PTPRN2: variants seen among roughly 807,000 people sequenced by gnomAD.
PTPRN2 encodes the protein protein tyrosine phosphatase receptor type N2.
Under a neutral mutation model 118.8 loss-of-function variants are expected in PTPRN2, and 74 were observed. The observed-to-expected ratio is 0.62, with a 90% CI of 0.52 to 0.76. The LOEUF (loss-of-function observed/expected upper bound fraction) is 0.76, where lower values mean the gene tolerates loss of function less well. Ranked by LOEUF, PTPRN2 falls within the 30% of genes least tolerant of loss-of-function variation. PTPRN2 has a pLI of 0.00. For synonymous variants in PTPRN2, 641 were observed against 608.0 expected, an observed-to-expected ratio of 1.05 and a Z score of -0.80; for missense variants, 1,481 against 1,394.4, an observed-to-expected ratio of 1.06 and a Z score of -0.99.
At chr7:157,803,170 A>G (rs1335356386) in intron 12 of PTPRN2, among the ~76,000 whole-genome samples, 2 of 152,082 alleles carry the variant, frequency 1.3e-5, no homozygotes, top group Non-Finnish European at 2.9e-5. Context: ...TTGCCATGTT[A>G]GCCAGGCTGG....
In PTPRN2 at chr7:158,164,754, G is replaced by A. The variant is rs372899560; in HGVS notation, c.910+2177C>T. On this transcript the variant is annotated intron_variant, in intron 6 of 22. Transcript: ENST00000389418. Reference sequence around the variant, plus strand: ...GAGAGAGAAAAGGGAGGTTAGAGAAGGAAGAGGACGACCCAAAGTGACCCC... The same window carrying A: ...GAGAGAGAAAAGGGAGGTTAGAGAAAGAAGAGGACGACCCAAAGTGACCCC... 9.1e-4 allele frequency among the ~76,000 whole-genome samples: 138 copies of A among 152,290 alleles called. No homozygotes were observed. The South Asian group carries it at 0.01, about 11-fold the overall frequency.
chr7:158,312,513 C>A (rs908415837), intron 3 of PTPRN2, among the ~76,000 whole-genome samples: 1 of 140,486 alleles, frequency 7.1e-6, no homozygotes, highest in Non-Finnish European at 1.6e-5. Flanking sequence ...GACACCCACA[C>A]ACACGCACAG....
chr7:158,200,076 T>C (rs1041730361), intron 4 of PTPRN2, among the ~76,000 whole-genome samples: 1 of 151,276 alleles, frequency 6.6e-6, no homozygotes, highest in African/African-American at 2.5e-5. Context: ...ACAATCCACA[T>C]ATGAGAAGAA....
chr7:158,067,012 T>A (rs1810827049), intron 11 of PTPRN2, among the ~76,000 whole-genome samples: 1 of 152,180 alleles, frequency 6.6e-6, no homozygotes. Context: ...AGGTTAGAGC[T>A]GGGGAGAAAA....
intron 2 of PTPRN2, among the ~76,000 whole-genome samples, chr7:158,447,206 C>T (rs547426113): frequency 6.6e-6 from 1 of 152,268 alleles, no homozygotes; most frequent in Admixed American, 6.5e-5. Flanking sequence ...GCAGCCTCTC[C>T]TAGCTCCCCA....
At chr7:157,822,877 C>T (rs1416916502) in intron 12 of PTPRN2, among the ~76,000 whole-genome samples, 1 of 151,886 alleles carries the variant, frequency 6.6e-6, no homozygotes, top group Non-Finnish European at 1.5e-5. Flanking sequence ...TCCATCCTTC[C>T]TCTCATCCAT....
intron 12 of PTPRN2, among the ~76,000 whole-genome samples, chr7:157,735,325 A>G (rs55794659): frequency 0.42 from 64,186 of 152,170 alleles, 14,800 homozygotes; most frequent in Non-Finnish European, 0.52. Context: ...CCCACTGACT[A>G]TGCCTGTGGA....
rs1801724521 is a variant in PTPRN2 at position 157,964,005 on chromosome 7, G to A, written c.1724-65268C>T. 6.6e-6 allele frequency among the ~76,000 whole-genome samples: 1 copy of A among 152,162 alleles called. No homozygotes were observed. Among genetic ancestry groups the A allele is most frequent in the South Asian group, 2.1e-4 (1 of 4,824 alleles). On this transcript the variant is annotated intron_variant, in intron 11 of 22. Coordinates refer to ENST00000389418, the MANE Select transcript of PTPRN2 (RefSeq NM_002847.5). This position sits in a 1 kb window ranked among gnomAD's most constrained non-coding sequence, Gnocchi z 9.0. ...CCCAGTCATTAAGTCCTAATTACAT[G>A]TTATTTGCCCTGTTCAAGTTCAAGC...
intron 2 of PTPRN2, among the ~76,000 whole-genome samples, chr7:158,449,109 A>G (rs538371934): frequency 2.0e-5 from 3 of 152,304 alleles, no homozygotes; most frequent in Admixed American, 2.0e-4. Context: ...GGACTTTCAC[A>G]CCAGAGGAAA....
At chr7:158,474,205 A>G (rs540378753) in intron 2 of PTPRN2, among the ~76,000 whole-genome samples, 15 of 152,304 alleles carry the variant, frequency 9.8e-5, no homozygotes, top group African/African-American at 2.9e-4. Flanking sequence ...AGCGAACTCT[A>G]CAGGACTCCA....
rs141026681 is a variant in PTPRN2, at chr7:157,601,159, C to T, written c.2418+2843G>A. Among the ~76,000 whole-genome samples the T allele has an allele frequency of 8.4e-3, 1,271 of 152,156 alleles. 17 individuals carry two copies. Among genetic ancestry groups the T allele is most frequent in the African/African-American group, 0.029 (1,195 of 41,498 alleles). Reference sequence around the variant, plus strand: ...ATGGGTTTCTCTCTCAGACAACCTACGAGGGAAAACAGAATTCCCATTGAC... The same window carrying T: ...ATGGGTTTCTCTCTCAGACAACCTATGAGGGAAAACAGAATTCCCATTGAC... On this transcript the variant is annotated intron_variant, in intron 16 of 22. Transcript: ENST00000389418.
chr7:158,130,741 A>AC (rs1818139721), intron 9 of PTPRN2, among the ~76,000 whole-genome samples: 2 of 148,632 alleles, frequency 1.3e-5, no homozygotes, highest in South Asian at 4.3e-4. Context: ...CGCACAAACC[A>AC]ATACACATCT....
Position 158,192,316 on chromosome 7 carries a change from G to A in PTPRN2, c.549+11C>T, listed in dbSNP as rs1293857730. 3.4e-6 allele frequency: 5 copies of A among 1,458,316 alleles called. No individual in the cohort carries two copies. The highest frequency in any genetic ancestry group is 1.5e-5 in the South Asian group (1 of 65,250). 90.3% of individuals were successfully genotyped at this position (1,458,316 alleles called of 1,614,324 possible). On this transcript the variant is annotated intron_variant, in intron 5 of 22. Coordinates refer to ENST00000389418, the MANE Select transcript of PTPRN2 (RefSeq NM_002847.5). Reference sequence around the variant, plus strand: ...GCCAACCCCGGCCCGGGGAGGAAGTGGAAGGGTCACCTCAGCGGGGGGTCT... The same window carrying A: ...GCCAACCCCGGCCCGGGGAGGAAGTAGAAGGGTCACCTCAGCGGGGGGTCT...
intron 12 of PTPRN2, among the ~76,000 whole-genome samples, chr7:157,840,497 A>G (rs1320002918): frequency 6.6e-6 from 1 of 151,698 alleles, no homozygotes; most frequent in East Asian, 1.9e-4. Context: ...TGACTGTGTG[A>G]CTGTGTGGAG....
intron 17 of PTPRN2, among the ~76,000 whole-genome samples, chr7:157,581,894 C>A (rs140200155): frequency 6.6e-6 from 1 of 152,218 alleles, no homozygotes; most frequent in Non-Finnish European, 1.5e-5. Context: ...GGCACAGACA[C>A]GGAGAGCGGC....
intron 14 of PTPRN2, among the ~76,000 whole-genome samples, chr7:157,633,207 C>G (rs1804072780): frequency 6.6e-6 from 1 of 150,686 alleles, no homozygotes; most frequent in South Asian, 2.1e-4. Flanking sequence ...GTGGTATGAT[C>G]TCAGCTCACT....
chr7:157,696,134 T>C (rs1394039485), intron 12 of PTPRN2, among the ~76,000 whole-genome samples: 1 of 139,440 alleles, frequency 7.2e-6, no homozygotes, highest in African/African-American at 2.7e-5. Context: ...TACTGGGTCT[T>C]GGCAGAGCCC....
intron 12 of PTPRN2, among the ~76,000 whole-genome samples, chr7:157,693,366 G>A (rs1585250265): frequency 6.6e-6 from 1 of 152,088 alleles, no homozygotes. Context: ...CAGGACTGGA[G>A]GCCCGACCTC....
At chr7:158,276,230 C>A (rs1798958448) in intron 3 of PTPRN2, among the ~76,000 whole-genome samples, 2 of 58,204 alleles carry the variant, frequency 3.4e-5, no homozygotes, top group African/African-American at 5.5e-5. Context: ...TAAGGTAGCA[C>A]CCCCACATCC....
Sources: gnomAD v4.1 joint callset for allele counts (sites outside exome capture counted in the v4.1 genomes callset) on GRCh38, gnomAD v4.1.1 for gene constraint, Gnocchi (gnomAD v3.1) non-coding constraint, MANE v1.5 for transcripts, NCBI Gene and HGNC (gene_info 2026-07-23, HGNC 2026-07-21) for gene names.